Variants in SCN3A observed in about 807,000 individuals in gnomAD.
SCN3A encodes sodium channel protein type 3 subunit alpha.
In SCN3A, 60 loss-of-function variants were observed where a neutral mutation model predicts 187.6. The ratio of observed to expected loss-of-function variants is 0.32; its 90% CI spans 0.26 to 0.40. The LOEUF (loss-of-function observed/expected upper bound fraction) is 0.40. Among genes scored for constraint, SCN3A ranks in the 10% least tolerant of loss-of-function variants. SCN3A has a pLI of 1.00. For missense variants in SCN3A, 1,601 were observed against 2,428.2 expected (o/e 0.66, Z 7.16); for synonymous variants, 788 against 829.2 (o/e 0.95, Z 0.85).
chr2:165,181,103 C>A (rs1690824001), intron 2 of SCN3A, among the ~76,000 whole-genome samples: 1 of 152,088 alleles, frequency 6.6e-6, no homozygotes. Flanking sequence ...CACATTTAGT[C>A]AAATATCTTC....
At chr2:165,165,329 T>G (rs1689689954) in intron 5 of SCN3A, among the ~76,000 whole-genome samples, 1 of 151,964 alleles carries the variant, frequency 6.6e-6, no homozygotes, top group African/African-American at 2.4e-5. Context: ...AATGTTCCAG[T>G]TCACTAGTAT....
At chr2:165,115,851 T>G (rs1300481466) in intron 18 of SCN3A, among the ~76,000 whole-genome samples, 4 of 152,218 alleles carry the variant, frequency 2.6e-5, no homozygotes, top group African/African-American at 9.6e-5. Context: ...TTTAATGATC[T>G]GCATTTGTAT....
In SCN3A at chr2:165,176,270, T is replaced by C. The variant is rs1690451963; in HGVS notation, c.125A>G (p.Asp42Gly). The C allele has an allele frequency of 1.2e-6, 2 of 1,614,074 alleles. No individual in the cohort carries two copies. The highest frequency in any genetic ancestry group is 2.7e-5 in the African/African-American group (2 of 75,038). The stretch of plus-strand genomic sequence containing the variant: ...CTTTGGTTTGTTCTCATCATCATTA[T>C]CTTGTTCCTTTTTGGGCTTCTTGGC... ...EKAKKPKKEQ[D>G]NDDENKPKPN... Residue 42 changes from aspartate to glycine, a missense_variant, in exon 3 of 28, where the codon GAT (aspartate) becomes GGT (glycine). Coordinates refer to ENST00000283254, the MANE Select transcript of SCN3A (RefSeq NM_006922.4).
intron 2 of SCN3A, among the ~76,000 whole-genome samples, chr2:165,182,280 A>G (rs1177457155): frequency 6.6e-6 from 1 of 152,210 alleles, no homozygotes; most frequent in Admixed American, 6.5e-5. Flanking sequence ...AGATCTGACT[A>G]TAGCTCTGGT....
intron 15 of SCN3A, among the ~76,000 whole-genome samples, chr2:165,132,414 TA>T (rs1328456452): frequency 6.6e-6 from 1 of 152,182 alleles, no homozygotes; most frequent in African/African-American, 2.4e-5. Flanking sequence ...AACAGCATGG[TA>T]CTTGTACCAA....
At chr2:165,139,789 G>A (rs1255362737) in intron 13 of SCN3A, 181 bp from the exon 14 acceptor site, 1 of 659,762 alleles carries the variant, frequency 1.5e-6, no homozygotes. Context: ...GTTATCACAG[G>A]TAGTACTCTT....
intron 1 of SCN3A, among the ~76,000 whole-genome samples, chr2:165,188,137 A>T (rs1268574575): frequency 1.3e-5 from 2 of 152,194 alleles, no homozygotes; most frequent in African/African-American, 4.8e-5. Context: ...GGGAATAAGG[A>T]GGAGCAGAAG....
In SCN3A at chr2:165,122,230, C is replaced by CTT. The variant is rs776949572; in HGVS notation, c.3393+5399_3393+5400dup. Among the ~76,000 whole-genome samples the CTT allele has an allele frequency of 9.0e-3, 1,019 of 113,806 alleles. 16 individuals are homozygous for CTT. The highest frequency in any genetic ancestry group is 0.024 in the African/African-American group (702 of 29,608). The allele number at this position is 113,806 out of a possible 152,430, so 74.7% of individuals were successfully genotyped here. A position where few individuals can be genotyped will look rare whatever the true frequency, so the allele number is the denominator to read the frequency against. Reference sequence around the variant, plus strand: ...TTTTTTTTTTCTTTTTTCTTTCTTTCTTTTTTTTCTTTTTTTTTTTTTTTA... The same window carrying CTT: ...TTTTTTTTTTCTTTTTTCTTTCTTTCTTTTTTTTTTCTTTTTTTTTTTTTTTA... On this transcript the variant is annotated intron_variant, in intron 18 of 27. Coordinates refer to ENST00000283254, the MANE Select transcript of SCN3A (RefSeq NM_006922.4).
At position 165,162,144 on chromosome 2, in the gene SCN3A, C is replaced by A. The variant is rs371541789; in HGVS notation, c.1031+164G>T. 9.9e-5 allele frequency among the ~76,000 whole-genome samples: 15 copies of A among 152,226 alleles called. No individual in the cohort carries two copies. The South Asian group carries it at 1.9e-3, about 19-fold the overall frequency. On this transcript the variant is annotated intron_variant, in intron 9 of 27. Transcript: ENST00000283254. ...TTTTTAATTGCTGTGAGTTTAGGAC[C>A]AGTGGCAATCCGGTAAGGCAGACAA... is the stretch of plus-strand genomic sequence containing the variant.
intron 18 of SCN3A, among the ~76,000 whole-genome samples, chr2:165,126,512 TTC>T (rs1327838851): frequency 6.6e-6 from 1 of 150,614 alleles, no homozygotes; most frequent in Admixed American, 6.6e-5. Context: ...CCTTCTTTTT[TTC>T]TCTTTCCCTT....
At position 165,115,547 on chromosome 2, in the gene SCN3A, C is replaced by A; in HGVS notation, c.3422G>T (p.Gly1141Val). The A allele has an allele frequency of 6.2e-7, 1 of 1,613,450 alleles. No homozygotes were observed. The highest frequency in any genetic ancestry group is 8.5e-7 in the Non-Finnish European group (1 of 1,179,638). ...GGGTAGAACAACATCAACTGTGCTTCCTTCAGATGAGCTGGTTGCATTTAA... is the reference window on the plus strand; with the variant it reads ...GGGTAGAACAACATCAACTGTGCTTACTTCAGATGAGCTGGTTGCATTTAA... ...EKLNATSSSEGSTVDVVLPRE... is the reference protein window; with the variant it reads ...EKLNATSSSEVSTVDVVLPRE... The change falls in exon 19 of 28, where the codon GGA (glycine) becomes GTA (valine). Residue 1141 changes from glycine (G) to valine (V), a missense_variant. By Grantham distance (109) the Gly-to-Val change is moderately radical (BLOSUM62 -3). Transcript: ENST00000283254.
At chr2:165,110,985 A>G (rs1252738065) in intron 21 of SCN3A, among the ~76,000 whole-genome samples, 2 of 152,228 alleles carry the variant, frequency 1.3e-5, no homozygotes, top group African/African-American at 4.8e-5. Context: ...CTCGAAGTAC[A>G]ATGCAGTAGT....
chr2:165,100,176 A>C, intron 22 of SCN3A, 126 bp downstream of exon 22: 1 of 1,178,380 alleles, frequency 8.5e-7, no homozygotes, highest in Non-Finnish European at 1.2e-6. Flanking sequence ...TGTGATATCT[A>C]AGATTTTTGC....
intron 5 of SCN3A, among the ~76,000 whole-genome samples, chr2:165,167,839 C>A (rs1339068093): frequency 6.6e-6 from 1 of 152,112 alleles, no homozygotes; most frequent in Non-Finnish European, 1.5e-5. Context: ...TACACAACAT[C>A]CACAGAAGTG....
chr2:165,162,868 C>T, intron 7 of SCN3A, 40 bp from the exon 8 acceptor site: 1 of 1,610,248 alleles, frequency 6.2e-7, no homozygotes, highest in Non-Finnish European at 8.5e-7. Context: ...GGAAGAGTGC[C>T]AGAAATCATG....
chr2:165,146,023 A>G (rs183642566), intron 12 of SCN3A, among the ~76,000 whole-genome samples: 4 of 152,278 alleles, frequency 2.6e-5, no homozygotes, highest in Admixed American at 2.6e-4. Context: ...ACTTAAAACT[A>G]TGCTGAAGAA....
Position 165,164,395 on chromosome 2 carries a change from A to G in SCN3A, c.599T>C (p.Met200Thr), listed in dbSNP as rs772497499. 6.2e-7 allele frequency: 1 copy of G among 1,613,790 alleles called. No individual in the cohort carries two copies. Among genetic ancestry groups the G allele is most frequent in the Non-Finnish European group, 8.5e-7 (1 of 1,179,786 alleles). Residue 200 changes from methionine (M) to threonine (T), a missense_variant, in exon 6 of 28, where the codon ATG becomes ACG. Met to Thr is a moderately conservative substitution (Grantham distance 81). Transcript: ENST00000283254. The stretch of plus-strand genomic sequence containing the variant: ...TCAAATTTTCAAAGTTACTCACGCC[A>G]TCACAATGACACTGAAATCCAGCCA... ...WNWLDFSVIV[M>T]AYVTEFVDLG...
chr2:165,155,366 T>C (rs1256417263), intron 10 of SCN3A, among the ~76,000 whole-genome samples: 2 of 151,958 alleles, frequency 1.3e-5, no homozygotes, highest in African/African-American at 4.8e-5. Flanking sequence ...TTCTCTCCCT[T>C]TCCCTTTCCC....
At chr2:165,111,293 C>T (rs1231283050) in intron 21 of SCN3A, among the ~76,000 whole-genome samples, 1 of 152,142 alleles carries the variant, frequency 6.6e-6, no homozygotes, top group Admixed American at 6.5e-5. Flanking sequence ...CAAGATCGCA[C>T]CATTGCACTC....
Sources: allele counts gnomAD v4.1 joint callset (sites outside exome capture counted in the v4.1 genomes callset), GRCh38; gene constraint gnomAD v4.1.1; transcripts MANE v1.5; gene names NCBI Gene and HGNC (gene_info 2026-07-23, HGNC 2026-07-21).